The following PLXDC2 variants were observed in gnomAD, a reference collection of about 807,000 sequenced individuals.
The protein encoded by PLXDC2 is plexin domain containing 2.
Under a neutral mutation model 68.9 loss-of-function variants are expected in PLXDC2, and 40 were observed. That is an observed-to-expected ratio of 0.58 (90% CI 0.45 to 0.76). The LOEUF is 0.76. Ranked by LOEUF, PLXDC2 falls within the 30% of genes least tolerant of loss-of-function variation. The pLI, the probability that PLXDC2 is intolerant of heterozygous loss-of-function variation, is 0.00. For synonymous variants in PLXDC2, 243 were observed against 234.2 expected, an observed-to-expected ratio of 1.04 and a Z score of -0.34; for missense variants, 644 against 661.9, an observed-to-expected ratio of 0.97 and a Z score of 0.30.
chr10:20,217,957 G>A (rs562238718), intron 11 of PLXDC2, among the ~76,000 whole-genome samples: 18 of 151,982 alleles, frequency 1.2e-4, no homozygotes, highest in Admixed American at 9.2e-4. Context: ...TAAAATGTCC[G>A]TTGATTCTGG....
At chr10:19,951,953 C>T (rs570938669) in intron 1 of PLXDC2, among the ~76,000 whole-genome samples, 5 of 152,088 alleles carry the variant, frequency 3.3e-5, no homozygotes, top group Admixed American at 1.3e-4. Flanking sequence ...ATTGGGTACT[C>T]ACGGACATAA....
At chr10:20,132,046 G>C (rs985742316) in intron 4 of PLXDC2, among the ~76,000 whole-genome samples, 1 of 152,052 alleles carries the variant, frequency 6.6e-6, no homozygotes, top group South Asian at 2.1e-4. Flanking sequence ...AGTTATATTT[G>C]CATTTTTGTT....
chr10:20,180,352 TTTAA>T (rs1419243490), intron 9 of PLXDC2, among the ~76,000 whole-genome samples: 9 of 152,108 alleles, frequency 5.9e-5, no homozygotes, highest in African/African-American at 1.9e-4. Context: ...TCAAAACCTG[TTTAA>T]TTAATCGGTT....
At chr10:20,039,752 T>A (rs1480290379) in intron 2 of PLXDC2, among the ~76,000 whole-genome samples, 1 of 152,078 alleles carries the variant, frequency 6.6e-6, no homozygotes, top group Non-Finnish European at 1.5e-5. Flanking sequence ...TATAAAAAAA[T>A]TCAAATAATA....
At chr10:20,005,772 C>T (rs566519945) in intron 2 of PLXDC2, among the ~76,000 whole-genome samples, 5 of 152,100 alleles carry the variant, frequency 3.3e-5, no homozygotes, top group Admixed American at 1.3e-4. Context: ...GGGATCTGCC[C>T]CTGTGATTCA....
At chr10:20,216,195 A>G (rs1328301847) in intron 10 of PLXDC2, among the ~76,000 whole-genome samples, 9 of 152,208 alleles carry the variant, frequency 5.9e-5, no homozygotes, top group Non-Finnish European at 1.5e-5. Flanking sequence ...AGAAACTTAA[A>G]AACAAAATCA....
intron 1 of PLXDC2, among the ~76,000 whole-genome samples, chr10:19,957,574 T>A (rs747579000): frequency 2.6e-5 from 4 of 152,170 alleles, no homozygotes; most frequent in Non-Finnish European, 5.9e-5. Flanking sequence ...GCCAGGATAA[T>A]GTTGCATTAA....
At chr10:20,040,660 C>T (rs1835667778) in intron 2 of PLXDC2, among the ~76,000 whole-genome samples, 1 of 152,098 alleles carries the variant, frequency 6.6e-6, no homozygotes, top group East Asian at 1.9e-4. Context: ...GAGTGGACTA[C>T]ATGAAATGCA....
intron 1 of PLXDC2, among the ~76,000 whole-genome samples, chr10:19,931,495 C>T (rs1269464748): frequency 1.3e-5 from 2 of 152,164 alleles, no homozygotes; most frequent in East Asian, 3.8e-4. Context: ...TTAAATGCTC[C>T]AGTGGGCTCG....
At chr10:20,208,461 C>G (rs554865622) in intron 9 of PLXDC2, among the ~76,000 whole-genome samples, 10 of 152,212 alleles carry the variant, frequency 6.6e-5, no homozygotes, top group African/African-American at 2.4e-4. Context: ...GTCCCTCCCA[C>G]AACACAGGGA....
chr10:20,210,420 T>A (rs1195908490), intron 9 of PLXDC2, among the ~76,000 whole-genome samples: 1 of 152,160 alleles, frequency 6.6e-6, no homozygotes, highest in African/African-American at 2.4e-5. Flanking sequence ...TAGCAATGCT[T>A]TATCAGAATG....
At chr10:19,837,203 C>T (rs1384755483) in intron 1 of PLXDC2, among the ~76,000 whole-genome samples, 1 of 150,982 alleles carries the variant, frequency 6.6e-6, no homozygotes, top group East Asian at 1.9e-4. Flanking sequence ...ACATTCCTCA[C>T]CAGGTTGAAG....
chr10:20,143,230 T>C (rs865842940), intron 4 of PLXDC2, 65 bp from the exon 5 acceptor site: 1 of 1,489,284 alleles, frequency 6.7e-7, no homozygotes, highest in South Asian at 1.3e-5. Flanking sequence ...GAGTTGGAAG[T>C]ATTTTAATCA....
intron 1 of PLXDC2, among the ~76,000 whole-genome samples, chr10:19,922,835 T>G (rs767933257): frequency 9.8e-5 from 15 of 152,326 alleles, no homozygotes; most frequent in Non-Finnish European, 1.3e-4. Flanking sequence ...GCTCAGACAC[T>G]GACTCATTGA....
At chr10:20,055,024 T>C (rs1048670285) in intron 3 of PLXDC2, among the ~76,000 whole-genome samples, 1 of 152,128 alleles carries the variant, frequency 6.6e-6, no homozygotes, top group African/African-American at 2.4e-5. Flanking sequence ...TTTCTGTATG[T>C]TGGTAGGAAG....
At chr10:19,912,737 G>A (rs1462293109) in intron 1 of PLXDC2, among the ~76,000 whole-genome samples, 1 of 152,040 alleles carries the variant, frequency 6.6e-6, no homozygotes, top group Admixed American at 6.6e-5. Context: ...TAAAGCCTAT[G>A]AACATAAAAA....
chr10:19,916,808 T>A (rs188105952), intron 1 of PLXDC2, among the ~76,000 whole-genome samples: 17 of 152,256 alleles, frequency 1.1e-4, no homozygotes, highest in African/African-American at 3.4e-4. Context: ...ATCGTCATAG[T>A]TATAATTTTC....
chr10:20,053,726 C>G (rs1227669563), intron 3 of PLXDC2, among the ~76,000 whole-genome samples: 1 of 152,076 alleles, frequency 6.6e-6, no homozygotes, highest in East Asian at 1.9e-4. Flanking sequence ...ACAGATATAT[C>G]TCTGTCCTGG....
chr10:19,895,905 G>GT (rs1838049010), intron 1 of PLXDC2, among the ~76,000 whole-genome samples: 1 of 152,042 alleles, frequency 6.6e-6, no homozygotes, highest in Non-Finnish European at 1.5e-5. Flanking sequence ...GGGTGACAGA[G>GT]CAAGACTCTG....
Sources: allele counts gnomAD v4.1 joint callset (sites outside exome capture counted in the v4.1 genomes callset), GRCh38; gene constraint gnomAD v4.1.1; transcripts MANE v1.5; gene names NCBI Gene and HGNC (gene_info 2026-07-23, HGNC 2026-07-21).